Variants in IQCM observed in about 807,000 individuals in gnomAD.
IQCM encodes the protein IQ domain-containing protein M.
IQCM carries 45 observed loss-of-function variants against 57.6 expected under a neutral mutation model. That is an observed-to-expected ratio of 0.78 (90% CI 0.62 to 1.00). The LOEUF (loss-of-function observed/expected upper bound fraction) is 1.00, where lower values mean the gene tolerates loss of function less well. Among genes scored for constraint, IQCM ranks in the 50% least tolerant of loss-of-function variants. The pLI is 0.00. For missense variants in IQCM, 468 were observed against 511.6 expected, an observed-to-expected ratio of 0.91 and a Z score of 0.82; for synonymous variants, 148 against 158.9, an observed-to-expected ratio of 0.93 and a Z score of 0.51.
Position 149,646,671 on chromosome 4 carries a change from G to A in IQCM, c.566-25427C>T, listed in dbSNP as rs190446113. ...CTTTGACTTTCAACTGGTATATTTC[G>A]TTCATTTATGTTCAATTAATAACTT... is the stretch of plus-strand genomic sequence containing the variant. On this transcript the variant is annotated intron_variant, in intron 7 of 13. Transcript: ENST00000636793. 5.4e-4 allele frequency among the ~76,000 whole-genome samples: 82 copies of A among 152,012 alleles called. 1 individual carries two copies. The highest frequency in any genetic ancestry group is 2.7e-3 in the Admixed American group (41 of 15,258).
intron 2 of IQCM, among the ~76,000 whole-genome samples, chr4:149,802,368 G>A (rs934082430): frequency 6.6e-6 from 1 of 151,956 alleles, no homozygotes; most frequent in African/African-American, 2.4e-5. Flanking sequence ...GTCACTGGCT[G>A]TGTTGGCTCT....
intron 3 of IQCM, among the ~76,000 whole-genome samples, chr4:149,737,463 T>C (rs1371794156): frequency 6.6e-6 from 1 of 152,194 alleles, no homozygotes; most frequent in African/African-American, 2.4e-5. Flanking sequence ...GTAGTAAGTA[T>C]ATGGGCATTG....
intron 7 of IQCM, among the ~76,000 whole-genome samples, chr4:149,659,600 C>T (rs1395356986): frequency 6.6e-6 from 1 of 152,062 alleles, no homozygotes; most frequent in Non-Finnish European, 1.5e-5. Context: ...GCTACAGTAA[C>T]CAAAACAGCA....
chr4:149,435,858 A>G (rs1283657537), intron 12 of IQCM, among the ~76,000 whole-genome samples: 3 of 152,168 alleles, frequency 2.0e-5, no homozygotes, highest in Non-Finnish European at 4.4e-5. Context: ...CAAACAAAGA[A>G]TATATTTTTT....
chr4:149,390,358 T>G (rs1731759185), intron 13 of IQCM, among the ~76,000 whole-genome samples: 1 of 151,996 alleles, frequency 6.6e-6, no homozygotes, highest in Admixed American at 6.6e-5. Flanking sequence ...TTTATGAGAT[T>G]TTATCATCTG....
At chr4:149,718,039 G>A (rs1225663691) in intron 5 of IQCM, among the ~76,000 whole-genome samples, 6 of 152,168 alleles carry the variant, frequency 3.9e-5, no homozygotes, top group African/African-American at 1.4e-4. Flanking sequence ...AAAGAAGACT[G>A]GCTAGACAGA....
intron 7 of IQCM, among the ~76,000 whole-genome samples, chr4:149,637,861 C>A (rs1757858185): frequency 6.6e-6 from 1 of 152,090 alleles, no homozygotes; most frequent in Non-Finnish European, 1.5e-5. Context: ...TAAGCTAAAA[C>A]AACAAAGCTA....
At chr4:149,409,308 G>A (rs1733206291) in intron 13 of IQCM, among the ~76,000 whole-genome samples, 1 of 152,230 alleles carries the variant, frequency 6.6e-6, no homozygotes, top group Admixed American at 6.5e-5. Flanking sequence ...TTGGACTGTG[G>A]CCCATGCCAG....
intron 13 of IQCM, among the ~76,000 whole-genome samples, chr4:149,360,443 CCTGGAGTCAATTCTCTGTGTATA>C (rs1447062740): frequency 1.3e-5 from 2 of 151,986 alleles, no homozygotes; most frequent in African/African-American, 4.8e-5. Flanking sequence ...CTCCGGAGGT[CCTGGAGTCAATTCTCTGTGTATA>C]CCAAGGCACT....
At position 149,608,407 on chromosome 4, in the gene IQCM, C is replaced by G. The variant is rs559994567; in HGVS notation, c.681+12722G>C. On this transcript the variant is annotated intron_variant, in intron 8 of 13. Transcript: ENST00000636793. ...ATCAGACTTAATCTTCACTATAGAC[C>G]AAATGAACTGAATAGATATTTATGG... Among the ~76,000 whole-genome samples, 71 of 151,882 alleles carry G rather than the reference C, an allele frequency of 4.7e-4. No homozygotes were observed. In the South Asian group the frequency reaches 0.015, roughly 32 times the overall value.
intron 12 of IQCM, among the ~76,000 whole-genome samples, chr4:149,474,366 A>T (rs1157186441): frequency 6.6e-6 from 1 of 152,004 alleles, no homozygotes; most frequent in Non-Finnish European, 1.5e-5. Flanking sequence ...GGAGTTCAAG[A>T]CTTCAGTGGA....
At position 149,423,355 on chromosome 4, in the gene IQCM, C is replaced by G. The variant is rs763943795; in HGVS notation, c.1390+10041G>C. ...ATGAGAACTGCATGGGGGAAACCTCCGTGATGATCCAATCGCCTCCCTCCC... is the reference window on the plus strand; with the variant it reads ...ATGAGAACTGCATGGGGGAAACCTCGGTGATGATCCAATCGCCTCCCTCCC... On this transcript the variant is annotated intron_variant, in intron 13 of 13. Transcript: ENST00000636793. Among the ~76,000 whole-genome samples, 5 of 152,070 alleles carry G rather than the reference C, an allele frequency of 3.3e-5. No individual in the cohort carries two copies. The East Asian group carries it at 5.9e-4, about 18-fold the overall frequency.
At chr4:149,374,998 T>TGTGTGTGTGTGTGTGTGTGTG in intron 13 of IQCM, among the ~76,000 whole-genome samples, 1 of 132,526 alleles carries the variant, frequency 7.5e-6, no homozygotes, top group African/African-American at 2.7e-5. Context: ...TGTGTGTGTG[T>TGTGTGTGTGTGTGTGTGTGTG]TGTGTGTGTG....
intron 12 of IQCM, among the ~76,000 whole-genome samples, chr4:149,491,561 C>G (rs1560908579): frequency 1.3e-5 from 2 of 152,012 alleles, no homozygotes; most frequent in Non-Finnish European, 2.9e-5. Flanking sequence ...TTTCCAGGTT[C>G]ATCTATGTTT....
chr4:149,620,173 G>A (rs1239295757), intron 8 of IQCM, among the ~76,000 whole-genome samples: 2 of 150,998 alleles, frequency 1.3e-5, no homozygotes, highest in East Asian at 1.9e-4. Context: ...AAAAAAAAAA[G>A]AAAAGAAGAA....
At chr4:149,713,007 C>T (rs1301270436) in intron 5 of IQCM, among the ~76,000 whole-genome samples, 2 of 151,388 alleles carry the variant, frequency 1.3e-5, no homozygotes, top group Non-Finnish European at 1.5e-5. Flanking sequence ...TAGTAATGTT[C>T]ACTAGCAAAA....
chr4:149,511,066 G>A (rs1426055657), intron 12 of IQCM, among the ~76,000 whole-genome samples: 8 of 152,060 alleles, frequency 5.3e-5, no homozygotes, highest in Admixed American at 5.2e-4. Context: ...TCCTTAACAT[G>A]ACCCCTAAGT....
Position 149,743,554 on chromosome 4 carries a change from T to C in IQCM, c.-48-815A>G, listed in dbSNP as rs185052463. On this transcript the variant is annotated intron_variant, in intron 2 of 13. Transcript: ENST00000636793. ...ACTTTATACCAGTAGTTCTCAATGC[T>C]GGATGAATATCAGAATCACCTAAGG... is the stretch of plus-strand genomic sequence containing the variant. 3.3e-4 allele frequency among the ~76,000 whole-genome samples: 51 copies of C among 152,330 alleles called. No homozygotes were observed. In the South Asian group the frequency reaches 3.5e-3, roughly 11 times the overall value.
At chr4:149,496,143 A>C (rs1483443000) in intron 12 of IQCM, among the ~76,000 whole-genome samples, 1 of 152,090 alleles carries the variant, frequency 6.6e-6, no homozygotes, top group Non-Finnish European at 1.5e-5. Context: ...AGGGTGGAGG[A>C]GTAGGAGAGT....
Sources: allele counts gnomAD v4.1 joint callset (sites outside exome capture counted in the v4.1 genomes callset), GRCh38; gene constraint gnomAD v4.1.1; transcripts MANE v1.5; gene names NCBI Gene and HGNC (gene_info 2026-07-23, HGNC 2026-07-21).